The following GALK2 variants were observed in gnomAD, a reference collection of about 807,000 sequenced individuals.
GALK2 encodes galactokinase 2.
GALK2 carries 36 observed loss-of-function variants against 52.4 expected under a neutral mutation model. The observed-to-expected ratio is 0.69, with a 90% CI of 0.53 to 0.91. The LOEUF (loss-of-function observed/expected upper bound fraction) is 0.91. GALK2 is among the 40% of genes least tolerant of loss of function. The probability of loss-of-function intolerance (pLI) is 0.00; values close to 1 mark genes in which losing one functional copy is unlikely to be tolerated. For missense variants in GALK2, 579 were observed against 559.1 expected, an observed-to-expected ratio of 1.04 and a Z score of -0.36; for synonymous variants, 176 against 199.1, an observed-to-expected ratio of 0.88 and a Z score of 0.98.
At chr15:49,331,973 A>C, downstream of GALK2, 1 of 659,142 alleles carries the variant, frequency 1.5e-6, no homozygotes, top group Non-Finnish European at 2.7e-6. Context: ...TACATATATT[A>C]ATTCAATTAC....
At chr15:49,351,761 A>T (rs1444440159) in intron 3 of GALK2, among the ~76,000 whole-genome samples, 6 of 25,532 alleles carry the variant, frequency 2.3e-4, no homozygotes, top group Non-Finnish European at 6.3e-4. Context: ...CTGACCCTAT[A>T]AGGGAGGTCT....
At chr15:49,166,733 G>C (rs2084836732), upstream of GALK2, among the ~76,000 whole-genome samples, 2 of 151,960 alleles carry the variant, frequency 1.3e-5, no homozygotes, top group East Asian at 1.9e-4. Flanking sequence ...AAAAAAGAAG[G>C]AATGTAACAT....
chr15:49,209,316 C>G (rs993573180), intron 2 of GALK2, among the ~76,000 whole-genome samples: 1 of 152,170 alleles, frequency 6.6e-6, no homozygotes, highest in African/African-American at 2.4e-5. Flanking sequence ...TTTGGATGCC[C>G]TTTACATTTT....
At chr15:49,209,097 C>T (rs2088579654) in intron 2 of GALK2, among the ~76,000 whole-genome samples, 1 of 152,090 alleles carries the variant, frequency 6.6e-6, no homozygotes, top group African/African-American at 2.4e-5. Flanking sequence ...GTTGGTTAGT[C>T]CTTATCCTTT....
rs766699269 is a variant in GALK2, at chr15:49,243,630, A to C, written c.504+4263A>C. Among the ~76,000 whole-genome samples the C allele has an allele frequency of 3.6e-4, 55 of 152,112 alleles. 1 individual carries two copies. The highest frequency in any genetic ancestry group is 7.5e-4 in the Non-Finnish European group (51 of 68,010). On this transcript the variant is annotated intron_variant, in intron 5 of 9. Coordinates refer to ENST00000560031, the MANE Select transcript of GALK2 (RefSeq NM_002044.4). ...ACCTACAAAATGAACCAAACAAACA[A>C]AAAAAACAGAGAAAACAGGAAACTA...
At chr15:49,161,060 A>G (rs977275604) in intron 1 of GALK2, among the ~76,000 whole-genome samples, 2 of 152,234 alleles carry the variant, frequency 1.3e-5, no homozygotes, top group African/African-American at 4.8e-5. Context: ...AAAATGGATA[A>G]TATGCTTAAC....
At position 49,237,623 on chromosome 15, in the gene GALK2, C is replaced by T. The variant is rs903459916; in HGVS notation, c.358-1598C>T. Among the ~76,000 whole-genome samples, 17 of 151,998 alleles carry T rather than the reference C, an allele frequency of 1.1e-4. 1 individual carries two copies. The highest frequency in any genetic ancestry group is 8.5e-4 in the Admixed American group (13 of 15,262). ...TCCTTAGTAGCTGGGATTACAGGTG[C>T]CTGCCACCGCGCCTGGCTAATTTTT... On this transcript the variant is annotated intron_variant, in intron 4 of 9. Transcript: ENST00000560031.
downstream of GALK2, among the ~76,000 whole-genome samples, chr15:49,336,608 T>C (rs1375807330): frequency 6.6e-6 from 1 of 152,270 alleles, no homozygotes; most frequent in African/African-American, 2.4e-5. Flanking sequence ...TTCAAGGCTG[T>C]TCCTGATGCT....
chr15:49,250,466 C>T (rs1199706160), intron 5 of GALK2, among the ~76,000 whole-genome samples: 2 of 152,114 alleles, frequency 1.3e-5, no homozygotes, highest in Non-Finnish European at 2.9e-5. Context: ...TTGTGGTAGT[C>T]TTGTAAATAA....
intron 3 of GALK2, chr15:49,365,189 T>C (rs898117708): frequency 3.4e-5 from 27 of 796,140 alleles, no homozygotes; most frequent in Middle Eastern, 3.1e-4. Flanking sequence ...ATACAGATGG[T>C]CCATCATCTG....
chr15:49,179,527 T>C (rs1027235872), intron 1 of GALK2, among the ~76,000 whole-genome samples: 2 of 152,212 alleles, frequency 1.3e-5, no homozygotes, highest in African/African-American at 2.4e-5. Flanking sequence ...CATTCATTTC[T>C]GCAGTTAGCC....
intron 5 of GALK2, among the ~76,000 whole-genome samples, chr15:49,255,358 T>C (rs2091771146): frequency 7.0e-6 from 1 of 142,340 alleles, no homozygotes; most frequent in African/African-American, 2.5e-5. Flanking sequence ...ATTTAATTAA[T>C]ATCATCATTG....
At chr15:49,356,182 C>A (rs532738099) in intron 3 of GALK2, among the ~76,000 whole-genome samples, 1 of 152,096 alleles carries the variant, frequency 6.6e-6, no homozygotes, top group African/African-American at 2.4e-5. Context: ...ACTGCATCAA[C>A]TAACGAGCAA....
chr15:49,313,668 G>A (rs895191136), intron 8 of GALK2, among the ~76,000 whole-genome samples: 11 of 152,216 alleles, frequency 7.2e-5, no homozygotes, highest in African/African-American at 2.4e-4. Context: ...TCTACTTCAT[G>A]TGGCTTTCCT....
At chr15:49,313,700 G>T (rs1488248154) in intron 8 of GALK2, among the ~76,000 whole-genome samples, 1 of 152,152 alleles carries the variant, frequency 6.6e-6, no homozygotes, top group Non-Finnish European at 1.5e-5. Flanking sequence ...CACAGTATTG[G>T]GTGCATAGCA....
intron 3 of GALK2, among the ~76,000 whole-genome samples, chr15:49,360,102 G>C (rs957053228): frequency 8.8e-6 from 1 of 114,194 alleles, no homozygotes; most frequent in Non-Finnish European, 1.7e-5. Flanking sequence ...GGTGGGGGGA[G>C]GGGGGAGGGA....
intron 9 of GALK2, chr15:49,326,904 T>C (rs2037597122): frequency 6.6e-6 from 1 of 152,196 alleles, no homozygotes; most frequent in South Asian, 2.1e-4. Context: ...GGTAGTATTC[T>C]ATTGATATGT....
At chr15:49,176,656 G>A (rs1379218545) in intron 1 of GALK2, among the ~76,000 whole-genome samples, 1 of 152,152 alleles carries the variant, frequency 6.6e-6, no homozygotes, top group Non-Finnish European at 1.5e-5. Flanking sequence ...TTCTGGTGCT[G>A]ATTACCTTCA....
intron 8 of GALK2, among the ~76,000 whole-genome samples, chr15:49,307,620 G>C (rs778498866): frequency 6.6e-6 from 1 of 152,122 alleles, no homozygotes; most frequent in Non-Finnish European, 1.5e-5. Flanking sequence ...ATATGCCAGC[G>C]TGTAAAATGC....
Sources: allele counts gnomAD v4.1 joint callset (sites outside exome capture counted in the v4.1 genomes callset), GRCh38; gene constraint gnomAD v4.1.1; transcripts MANE v1.5; gene names NCBI Gene and HGNC (gene_info 2026-07-23, HGNC 2026-07-21).